Variants in PRKAR1A observed in about 807,000 individuals in gnomAD.
PRKAR1A encodes the protein cAMP-dependent protein kinase type I-alpha regulatory subunit.
PRKAR1A carries 3 observed loss-of-function variants against 52.0 expected under a neutral mutation model. That is an observed-to-expected ratio of 0.06 (90% confidence interval 0.03 to 0.15). The LOEUF is 0.15. PRKAR1A is among the 10% of genes least tolerant of loss of function. PRKAR1A has a pLI of 1.00. For synonymous variants in PRKAR1A, 188 were observed against 168.4 expected (o/e 1.12, Z -0.90); for missense variants, 240 against 477.4 (o/e 0.50, Z 4.63).
chr17:68,532,858 G>A lies in PRKAR1A; in HGVS notation c.*2409G>A. 9.4e-7 allele frequency: 1 copy of A among 1,066,384 alleles called. No homozygotes were observed. The highest frequency in any genetic ancestry group is 4.5e-5 in the South Asian group (1 of 21,990). The allele number at this position is 1,066,384 out of a possible 1,614,324, so 66.1% of individuals were successfully genotyped here. A position where few individuals can be genotyped will look rare whatever the true frequency, so the allele number is the denominator to read the frequency against. On this transcript the variant is annotated 3_prime_UTR_variant, in exon 11 of 11. Transcript: ENST00000589228. Reference sequence around the variant, plus strand: ...CTACTCGGGTGGGCAAAAATGAAAAGGGGGAAAGTGAATTATGGGATCGGT... The same window carrying A: ...CTACTCGGGTGGGCAAAAATGAAAAAGGGGAAAGTGAATTATGGGATCGGT...
intron 11 of PRKAR1A, chr17:68,541,965 T>TG: frequency 6.2e-7 from 1 of 1,609,348 alleles, no homozygotes; most frequent in Non-Finnish European, 8.5e-7. Context: ...CTGGGCTGTG[T>TG]GGCCTGGGGA....
At chr17:68,473,891 G>T in the PRKAR1A span, among the ~76,000 whole-genome samples, 1 of 152,300 alleles carries the variant, frequency 6.6e-6, no homozygotes, top group East Asian at 1.9e-4. Flanking sequence ...TGATTTCCAA[G>T]TCTCTTCTCA....
At chr17:68,514,372 C>T (rs1291779641) in intron 1 of PRKAR1A, among the ~76,000 whole-genome samples, 2 of 152,166 alleles carry the variant, frequency 1.3e-5, no homozygotes, top group East Asian at 1.9e-4. Context: ...GAGGGGACCA[C>T]ACTCTTGTCT....
rs764420601 is a variant in PRKAR1A at position 68,529,957 on chromosome 17, A to C, written c.929A>C (p.Glu310Ala). The stretch of plus-strand genomic sequence containing the variant: ...GTGCTACAACGTCGGTCAGAAAATG[A>C]AGAGTTTGTTGAAGTGGGAAGATTG... Reference protein sequence around the residue: ...AAVLQRRSENEEFVEVGRLGP... With the variant: ...AAVLQRRSENAEFVEVGRLGP... The change falls in exon 10 of 11, where the codon GAA (glutamate) becomes GCA (alanine). Residue 310 changes from glutamate (E) to alanine (A), a missense_variant. By Grantham distance (107) the Glu-to-Ala change is moderately radical (BLOSUM62 -1). Transcript: ENST00000589228. The C allele has an allele frequency of 6.2e-7, 1 of 1,614,076 alleles. No individual in the cohort carries two copies. The highest frequency in any genetic ancestry group is 8.5e-7 in the Non-Finnish European group (1 of 1,179,986).
intron 11 of PRKAR1A, among the ~76,000 whole-genome samples, chr17:68,550,582 T>C (rs533981448): frequency 1.3e-5 from 2 of 152,218 alleles, no homozygotes; most frequent in East Asian, 3.9e-4. Flanking sequence ...GGTTTCACCA[T>C]GATGGCCAGG....
chr17:68,549,074 CT>C (rs1362319541), intron 11 of PRKAR1A, among the ~76,000 whole-genome samples: 1 of 152,150 alleles, frequency 6.6e-6, no homozygotes, highest in East Asian at 1.9e-4. Flanking sequence ...ATGTATTAGG[CT>C]GTGAGTTATG....
chr17:68,479,519 A>T, the PRKAR1A span, among the ~76,000 whole-genome samples: 1 of 152,060 alleles, frequency 6.6e-6, no homozygotes, highest in Non-Finnish European at 1.5e-5. Context: ...CTTCCTCATC[A>T]TCTCTGGGGT....
chr17:68,456,222 T>C, the PRKAR1A span, among the ~76,000 whole-genome samples: 6 of 152,212 alleles, frequency 3.9e-5, no homozygotes, highest in Non-Finnish European at 8.8e-5. Context: ...ATTACACATA[T>C]GGGTTTTTCA....
chr17:68,435,214 A>AT, the PRKAR1A span, among the ~76,000 whole-genome samples: 1 of 151,866 alleles, frequency 6.6e-6, no homozygotes, highest in Admixed American at 6.6e-5. Context: ...CTCAAAAAAA[A>AT]AAAAAAAATT....
chr17:68,509,805 G>A (rs1193933501), upstream of PRKAR1A, among the ~76,000 whole-genome samples: 1 of 152,112 alleles, frequency 6.6e-6, no homozygotes, highest in Non-Finnish European at 1.5e-5. Flanking sequence ...GTCTCCTAAA[G>A]CCCCAGCATA....
the PRKAR1A span, among the ~76,000 whole-genome samples, chr17:68,500,250 G>A: frequency 1.3e-5 from 2 of 152,290 alleles, no homozygotes; most frequent in South Asian, 2.1e-4. Flanking sequence ...TAATTCCCAC[G>A]TGTGTGGGAG....
the PRKAR1A span, chr17:68,428,696 A>C: frequency 4.5e-6 from 3 of 673,748 alleles, no homozygotes; most frequent in Non-Finnish European, 7.8e-6. Flanking sequence ...CTTGCCCACT[A>C]GAGGTTTGCC....
the PRKAR1A span, among the ~76,000 whole-genome samples, chr17:68,486,815 C>T: frequency 5.3e-5 from 8 of 151,760 alleles, no homozygotes; most frequent in African/African-American, 1.9e-4. Context: ...GCCTGTGCCT[C>T]AGGTACCCAA....
At chr17:68,540,835 G>T in intron 11 of PRKAR1A, 1 of 1,586,668 alleles carries the variant, frequency 6.3e-7, no homozygotes, top group African/African-American at 1.3e-5. Context: ...GGGGGCCTGC[G>T]TGTGGGGACC....
At chr17:68,475,482 GAGAC>G in the PRKAR1A span, among the ~76,000 whole-genome samples, 2 of 152,170 alleles carry the variant, frequency 1.3e-5, no homozygotes, top group African/African-American at 4.8e-5. Flanking sequence ...ATTATTTTTT[GAGAC>G]AGAGTCTTGT....
the PRKAR1A span, among the ~76,000 whole-genome samples, chr17:68,418,210 T>C: frequency 6.6e-6 from 1 of 152,182 alleles, no homozygotes; most frequent in Admixed American, 6.5e-5. Context: ...CCTGAGAGTG[T>C]TGATTTTTGT....
At chr17:68,506,571 C>A in the PRKAR1A span, among the ~76,000 whole-genome samples, 3 of 151,996 alleles carry the variant, frequency 2.0e-5, no homozygotes, top group Admixed American at 2.0e-4. Flanking sequence ...GCAACCTCCG[C>A]CTCCCTGGTT....
At position 68,533,128 on chromosome 17, in the gene PRKAR1A, T is replaced by A. The variant is rs1251916858; in HGVS notation, c.*2679T>A. On this transcript the variant is annotated 3_prime_UTR_variant, in exon 11 of 11. Coordinates refer to ENST00000589228, the MANE Select transcript of PRKAR1A (RefSeq NM_002734.5). ...GATTAGCATACTCTTTGGTTTAAAT[T>A]TAATATATACATTTAATGTTACTTA... 1 of 1,061,442 alleles carries A rather than the reference T, an allele frequency of 9.4e-7. No homozygotes were observed. Among genetic ancestry groups the A allele is most frequent in the African/African-American group, 1.6e-5 (1 of 60,990 alleles). 65.8% of individuals were successfully genotyped at this position (1,061,442 alleles called of 1,614,324 possible).
At chr17:68,438,741 C>T in the PRKAR1A span, among the ~76,000 whole-genome samples, 1 of 152,206 alleles carries the variant, frequency 6.6e-6, no homozygotes, top group Admixed American at 6.5e-5. Flanking sequence ...GCTGGGATTA[C>T]AGGCGTGTGC....
Sources: gnomAD v4.1 joint callset for allele counts (sites outside exome capture counted in the v4.1 genomes callset) on GRCh38, gnomAD v4.1.1 for gene constraint, MANE v1.5 for transcripts, NCBI Gene and HGNC (gene_info 2026-07-23, HGNC 2026-07-21) for gene names.